Variants in TMEM260 observed in about 807,000 individuals in gnomAD.
TMEM260 encodes protein O-mannosyl-transferase TMEM260.
TMEM260 carries 82 observed loss-of-function variants against 88.9 expected under a neutral mutation model. The observed-to-expected ratio is 0.92, with a 90% CI of 0.77 to 1.11. TMEM260 has a LOEUF of 1.11. Among genes scored for constraint, TMEM260 ranks in the 50% least tolerant of loss-of-function variants. TMEM260 has a pLI of 0.00. For synonymous variants in TMEM260, 314 were observed against 309.3 expected (o/e 1.02, Z -0.16); for missense variants, 902 against 853.4 (o/e 1.06, Z -0.71).
At chr14:56,646,459 A>G (rs1232366888) in intron 15 of TMEM260, among the ~76,000 whole-genome samples, 1 of 152,188 alleles carries the variant, frequency 6.6e-6, no homozygotes, top group Non-Finnish European at 1.5e-5. Flanking sequence ...AAGCAACTAT[A>G]ATATTCCATT....
chr14:56,640,600 A>G (rs961409706), intron 15 of TMEM260, among the ~76,000 whole-genome samples: 10 of 152,210 alleles, frequency 6.6e-5, no homozygotes, highest in African/African-American at 1.4e-4. Flanking sequence ...TCCTCCTCCA[A>G]AGGAGCACAG....
chr14:56,589,526 A>T (rs1465734867), intron 3 of TMEM260, among the ~76,000 whole-genome samples: 2 of 152,194 alleles, frequency 1.3e-5, no homozygotes, highest in African/African-American at 4.8e-5. Flanking sequence ...AAACTCACAT[A>T]AAAATACTTC....
At chr14:56,596,090 A>G (rs1886186610) in intron 3 of TMEM260, among the ~76,000 whole-genome samples, 1 of 152,084 alleles carries the variant, frequency 6.6e-6, no homozygotes, top group Non-Finnish European at 1.5e-5. Flanking sequence ...AGACAGCAAT[A>G]ATAAAGGACA....
intron 8 of TMEM260, among the ~76,000 whole-genome samples, chr14:56,616,604 T>C (rs1316155219): frequency 2.0e-5 from 3 of 152,054 alleles, no homozygotes; most frequent in African/African-American, 7.2e-5. Context: ...TAACTGTTCT[T>C]CTATTGAGAG....
intron 7 of TMEM260, chr14:56,613,206 CCTAA>C (rs1442220295): frequency 1.3e-5 from 2 of 152,020 alleles, no homozygotes; most frequent in East Asian, 1.9e-4. Context: ...AAAGTGATGT[CCTAA>C]CTAATTACTA....
intron 3 of TMEM260, among the ~76,000 whole-genome samples, chr14:56,594,097 TA>T (rs1169142243): frequency 6.6e-6 from 1 of 152,242 alleles, no homozygotes; most frequent in East Asian, 1.9e-4. Flanking sequence ...TATCTTTCTG[TA>T]AGTCAGATTA....
chr14:56,584,354 T>C (rs1164179883), intron 1 of TMEM260, among the ~76,000 whole-genome samples: 1 of 152,064 alleles, frequency 6.6e-6, no homozygotes. Flanking sequence ...GGTTAACAAA[T>C]AGGCATCAAA....
chr14:56,585,981 C>T (rs934201719), intron 3 of TMEM260, 69 bp downstream of exon 3: 96 of 1,484,454 alleles, frequency 6.5e-5, no homozygotes, highest in Middle Eastern at 1.8e-4. Flanking sequence ...GGCTCAAGTA[C>T]ATACATTAAA....
At chr14:56,661,125 G>A in the TMEM260 span, among the ~76,000 whole-genome samples, 1 of 152,186 alleles carries the variant, frequency 6.6e-6, no homozygotes, top group Non-Finnish European at 1.5e-5. Flanking sequence ...GGTGTCAGGT[G>A]GCTGCAGGAG....
At chr14:56,618,150 G>T (rs1488638813) in intron 9 of TMEM260, among the ~76,000 whole-genome samples, 1 of 152,042 alleles carries the variant, frequency 6.6e-6, no homozygotes, top group Non-Finnish European at 1.5e-5. Flanking sequence ...TGAAAAGGGA[G>T]GGCGCTGCAG....
intron 3 of TMEM260, among the ~76,000 whole-genome samples, chr14:56,603,095 A>G (rs920115874): frequency 6.6e-6 from 1 of 152,198 alleles, no homozygotes; most frequent in Non-Finnish European, 1.5e-5. Context: ...ACCGAGATCC[A>G]GATTCCTGAT....
At position 56,647,633 on chromosome 14, in the gene TMEM260, G is replaced by A; in HGVS notation, c.*136G>A. The A allele has an allele frequency of 5.0e-6, 5 of 1,009,284 alleles. No individual in the cohort carries two copies. The highest frequency in any genetic ancestry group is 7.0e-6 in the Non-Finnish European group (5 of 713,336). 62.5% of individuals were successfully genotyped at this position (1,009,284 alleles called of 1,614,324 possible). On this transcript the variant is annotated 3_prime_UTR_variant, in exon 16 of 16. Transcript: ENST00000261556. ...TCCCAGATATAAGTATCATGGTCCA[G>A]CAGTACTGTTTAATGGGGTATTCAG...
At chr14:56,585,328 A>C in intron 2 of TMEM260, among the ~76,000 whole-genome samples, 1 of 152,158 alleles carries the variant, frequency 6.6e-6, no homozygotes. Flanking sequence ...ATTATTTAAT[A>C]AACTTTATTA....
intron 5 of TMEM260, among the ~76,000 whole-genome samples, chr14:56,606,862 T>C (rs1268369674): frequency 3.3e-5 from 5 of 152,174 alleles, no homozygotes; most frequent in African/African-American, 4.8e-5. Flanking sequence ...GCCACTGCGC[T>C]CCAGCCTGGG....
chr14:56,630,042 GAAA>G (rs57944362), intron 12 of TMEM260, among the ~76,000 whole-genome samples: 1 of 133,144 alleles, frequency 7.5e-6, no homozygotes, highest in Admixed American at 7.6e-5. Context: ...CCCTATCTCA[GAAA>G]AAAAAAAAGA....
chr14:56,625,420 G>C lies in TMEM260; in HGVS notation c.1437G>C (p.Lys479Asn). 1 of 1,613,862 alleles carries C rather than the reference G, an allele frequency of 6.2e-7. No individual in the cohort carries two copies. The highest frequency in any genetic ancestry group is 1.1e-5 in the South Asian group (1 of 91,008). The change falls in exon 12 of 16, where the codon AAG becomes AAC. Residue 479 changes from lysine to asparagine, a missense_variant. Transcript: ENST00000261556. ...TYEWYLPKMA[K>N]HLPGVNFPGN... ...AGTGGTATTTACCCAAGATGGCAAA[G>C]CACTTGCCAGGTGTCAACTTTCCTG...
At chr14:56,583,722 T>TGGCCC (rs1411410657) in intron 1 of TMEM260, among the ~76,000 whole-genome samples, 1 of 152,032 alleles carries the variant, frequency 6.6e-6, no homozygotes, top group Non-Finnish European at 1.5e-5. Flanking sequence ...CAATTGAACT[T>TGGCCC]GGCCTTGAAG....
chr14:56,606,588 T>C (rs2139560319), intron 5 of TMEM260, among the ~76,000 whole-genome samples: 1 of 152,268 alleles, frequency 6.6e-6, no homozygotes, highest in African/African-American at 2.4e-5. Context: ...TTTTACAATG[T>C]GACTAAAAAG....
At chr14:56,642,115 C>CA (rs1889640225) in intron 15 of TMEM260, among the ~76,000 whole-genome samples, 2 of 152,166 alleles carry the variant, frequency 1.3e-5, no homozygotes, top group Admixed American at 1.3e-4. Flanking sequence ...AGAAAGTTAA[C>CA]AAAGATATCC....
Sources: gnomAD v4.1 joint callset for allele counts (sites outside exome capture counted in the v4.1 genomes callset) on GRCh38, gnomAD v4.1.1 for gene constraint, MANE v1.5 for transcripts, NCBI Gene and HGNC (gene_info 2026-07-23, HGNC 2026-07-21) for gene names.